SPTA1: variants seen among roughly 807,000 people sequenced by gnomAD.
SPTA1 encodes spectrin alpha chain, erythrocytic 1.
A neutral mutation model predicts 324.7 loss-of-function variants in SPTA1; 177 were observed. That is an observed-to-expected ratio of 0.55 (90% CI 0.48 to 0.62). The LOEUF (loss-of-function observed/expected upper bound fraction) is 0.62. Among genes scored for constraint, SPTA1 ranks in the 20% least tolerant of loss-of-function variants. SPTA1 has a pLI of 0.00. For missense variants in SPTA1, 3,162 were observed against 2,883.6 expected (o/e 1.10, Z -2.21); for synonymous variants, 1,195 against 1,041.3 (o/e 1.15, Z -2.84).
chr1:158,645,668 T>C (rs891175458), intron 27 of SPTA1, 74 bp from the exon 28 acceptor site: 2 of 1,490,042 alleles, frequency 1.3e-6, no homozygotes, highest in Non-Finnish European at 1.9e-6. Flanking sequence ...CCTACAGTTT[T>C]CCATTCTCTA....
At chr1:158,618,881 A>T (rs535236641) in intron 45 of SPTA1, among the ~76,000 whole-genome samples, 2 of 152,310 alleles carry the variant, frequency 1.3e-5, no homozygotes, top group African/African-American at 4.8e-5. Flanking sequence ...GAGGTAATGG[A>T]TATGGAAGTA....
Position 158,611,212 on chromosome 1 carries a change from A to G in SPTA1, c.*52T>C. 2 of 1,604,608 alleles carry G rather than the reference A, an allele frequency of 1.2e-6. No individual in the cohort carries two copies. The highest frequency in any genetic ancestry group is 1.7e-5 in the Admixed American group (1 of 59,654). ...CATTTGCCTGTACTCTTTGCCCCCC[A>G]GTAAATTTCCCACGACACTAAGATT... On this transcript the variant is annotated 3_prime_UTR_variant, in exon 52 of 52. Transcript: ENST00000643759.
At position 158,661,342 on chromosome 1, in the gene SPTA1, G is replaced by A. The variant is rs2101888809; in HGVS notation, c.2532C>T (p.Ser844=). 1 of 1,613,842 alleles carries A rather than the reference G, an allele frequency of 6.2e-7. No individual in the cohort carries two copies. The highest frequency in any genetic ancestry group is 2.2e-5 in the East Asian group (1 of 44,836). The change falls in exon 18 of 52, where the codon AGC becomes AGT. Residue 844 remains serine, a synonymous_variant. Coordinates refer to ENST00000643759, the MANE Select transcript of SPTA1 (RefSeq NM_003126.4). ...RHRVILENIA[S]HEPRIQEITE... ...TTATCTCTTGAATGCGTGGTTCATGGCTGGCAATGTTCTCCAGGATGACTC... is the reference window on the plus strand; with the variant it reads ...TTATCTCTTGAATGCGTGGTTCATGACTGGCAATGTTCTCCAGGATGACTC...
chr1:158,616,208 T>C (rs759245046), intron 47 of SPTA1, among the ~76,000 whole-genome samples: 4 of 152,200 alleles, frequency 2.6e-5, no homozygotes, highest in Non-Finnish European at 4.4e-5. Flanking sequence ...CAGTATATGT[T>C]GGATGTCTAT....
At position 158,642,411 on chromosome 1, in the gene SPTA1, C is replaced by A; in HGVS notation, c.4737G>T (p.Lys1579Asn). Reference protein sequence around the residue: ...SACDGNEEAMKEQLEQLKEHW... With the variant: ...SACDGNEEAMNEQLEQLKEHW... Reference sequence around the variant, plus strand: ...GCCCAAAACTCATCCTGAGCTTTACCTTCATGGCCTCTTCATTGCCATCAC... The same window carrying A: ...GCCCAAAACTCATCCTGAGCTTTACATTCATGGCCTCTTCATTGCCATCAC... Residue 1579 changes from lysine to asparagine, a missense_variant and splice_region_variant, in exon 33 of 52, where the codon AAG (lysine) becomes AAT (asparagine). Transcript: ENST00000643759. 1 of 1,613,148 alleles carries A rather than the reference C, an allele frequency of 6.2e-7. No homozygotes were observed. Among genetic ancestry groups the A allele is most frequent in the Non-Finnish European group, 8.5e-7 (1 of 1,179,442 alleles).
rs1557917963 is a variant in SPTA1, at chr1:158,613,733, A to G, written c.6977T>C (p.Val2326Ala). The change falls in exon 50 of 52, where the codon GTG becomes GCG. Residue 2326 changes from valine (V) to alanine (A), a missense_variant. Physicochemically the swap from Val to Ala is moderately conservative, Grantham distance 64. Transcript: ENST00000643759. ...EPKFEKFLDA[V>A]DPGRKGYVSL... ...GTCTTGTTCCTACCTCCCTGGATCCACAGCATCCAGGAACTTCTCAAACTT... is the reference window on the plus strand; with the variant it reads ...GTCTTGTTCCTACCTCCCTGGATCCGCAGCATCCAGGAACTTCTCAAACTT... 2 of 1,613,678 alleles carry G rather than the reference A, an allele frequency of 1.2e-6. No individual in the cohort carries two copies. Among genetic ancestry groups the G allele is most frequent in the African/African-American group, 1.3e-5 (1 of 74,972 alleles).
intron 23 of SPTA1, among the ~76,000 whole-genome samples, chr1:158,652,259 G>A (rs779360941): frequency 1.3e-5 from 2 of 152,192 alleles, no homozygotes; most frequent in Non-Finnish European, 2.9e-5. Flanking sequence ...GGCACTGAAG[G>A]CTGCAGTTAG....
In SPTA1 at chr1:158,685,490, T is replaced by C; in HGVS notation, c.25-143A>G. ...CTAGGGACTATTGTCAGAAGAGCTG[T>C]AGTATATTTACGTAATTTTTAACCA... On this transcript the variant is annotated intron_variant, in intron 1 of 51. Transcript: ENST00000643759. The C allele has an allele frequency of 7.6e-6, 9 of 1,186,724 alleles. No individual in the cohort carries two copies. The South Asian group carries it at 1.1e-4, about 15-fold the overall frequency. The allele number at this position is 1,186,724 out of a possible 1,614,324, so 73.5% of individuals were successfully genotyped here.
chr1:158,658,410 G>C (rs1481899184), intron 18 of SPTA1, among the ~76,000 whole-genome samples: 2 of 152,140 alleles, frequency 1.3e-5, no homozygotes, highest in African/African-American at 4.8e-5. Context: ...ACATGTATAA[G>C]GAAATCCTGG....
In SPTA1 at chr1:158,666,461, A is replaced by C. The variant is rs766122094; in HGVS notation, c.2075T>G (p.Phe692Cys). 1 of 1,612,064 alleles carries C rather than the reference A, an allele frequency of 6.2e-7. No homozygotes were observed. Among genetic ancestry groups the C allele is most frequent in the South Asian group, 1.1e-5 (1 of 91,056 alleles). Residue 692 changes from phenylalanine (F) to cysteine (C), a missense_variant, in exon 16 of 52, where the codon TTT becomes TGT. By Grantham distance (205) the Phe-to-Cys change is radical. Transcript: ENST00000643759. ...QLHEANQQLQ[F>C]ENNAEDLQRW... ...CTGCAAATCTTCTGCATTATTTTCA[A>C]ATTGCAGCTGCTGGTTGGCCTCATG...
chr1:158,612,748 A>G lies in SPTA1; in HGVS notation c.7134+69T>C. The G allele has an allele frequency of 2.5e-6, 4 of 1,582,228 alleles. No individual in the cohort carries two copies. The South Asian group carries it at 3.3e-5, about 13-fold the overall frequency. On this transcript the variant is annotated intron_variant, in intron 51 of 51. Coordinates refer to ENST00000643759, the MANE Select transcript of SPTA1 (RefSeq NM_003126.4). Reference sequence around the variant, plus strand: ...TGGGTGGGTTTTTTCAAAGTAGGCCACCGGGCCTGAGATGACCAGAATTCA... The same window carrying G: ...TGGGTGGGTTTTTTCAAAGTAGGCCGCCGGGCCTGAGATGACCAGAATTCA...
chr1:158,664,421 C>T (rs1473995722), intron 16 of SPTA1, among the ~76,000 whole-genome samples: 2 of 152,172 alleles, frequency 1.3e-5, no homozygotes, highest in Non-Finnish European at 2.9e-5. Context: ...AGCAGACTAA[C>T]ACAGGAATGA....
Position 158,617,701 on chromosome 1 carries a change from C to T in SPTA1, c.6549-113G>A, listed in dbSNP as rs1381929948. ...AACTTCTCCAAGGTTATGTGGCTTA[C>T]ATGAAGCAAAATTTCACAGAGCCAA... On this transcript the variant is annotated intron_variant, in intron 46 of 51. Transcript: ENST00000643759. The T allele has an allele frequency of 5.4e-6, 6 of 1,113,870 alleles. No individual in the cohort carries two copies. The Admixed American group carries it at 5.8e-5, about 11-fold the overall frequency. The allele number at this position is 1,113,870 out of a possible 1,614,324, so 69.0% of individuals were successfully genotyped here. A position where few individuals can be genotyped will look rare whatever the true frequency, so the allele number is the denominator to read the frequency against.
intron 12 of SPTA1, 150 bp from the exon 13 acceptor site, chr1:158,669,936 G>T: frequency 1.3e-6 from 1 of 745,206 alleles, no homozygotes; most frequent in Non-Finnish European, 2.3e-6. Flanking sequence ...TCAGGTTTCT[G>T]TTATAAATTG....
chr1:158,658,701 G>A (rs2101881733), intron 18 of SPTA1, among the ~76,000 whole-genome samples: 1 of 152,176 alleles, frequency 6.6e-6, no homozygotes, highest in African/African-American at 2.4e-5. Context: ...GCATAATCAA[G>A]TTGTTTAATA....
rs1262041440 is a variant in SPTA1, at chr1:158,661,279, A to T, written c.2587+8T>A. 4 of 1,613,750 alleles carry T rather than the reference A, an allele frequency of 2.5e-6. No homozygotes were observed. The Admixed American group carries it at 5.0e-5, about 20-fold the overall frequency. ...TGTTTTGTCCAACTGAATCTCAATC[A>T]TACATACCTTCCTCTACCATTTTGT... On this transcript the variant is annotated splice_region_variant and intron_variant, in intron 18 of 51. Transcript: ENST00000643759.
At chr1:158,670,884 G>T (rs1235444160) in intron 12 of SPTA1, among the ~76,000 whole-genome samples, 1 of 149,322 alleles carries the variant, frequency 6.7e-6, no homozygotes, top group African/African-American at 2.5e-5. Flanking sequence ...AGGAAGAAAT[G>T]AAAAAAAATA....
chr1:158,650,399 A>G (rs570288584), intron 24 of SPTA1, among the ~76,000 whole-genome samples: 1 of 152,204 alleles, frequency 6.6e-6, no homozygotes, highest in African/African-American at 2.4e-5. Flanking sequence ...TTATCCCATA[A>G]CAACCACTAT....
At position 158,678,551 on chromosome 1, in the gene SPTA1, A is replaced by G. The variant is rs576339372; in HGVS notation, c.679-17T>C. 1.2e-6 allele frequency: 2 copies of G among 1,612,756 alleles called. No individual in the cohort carries two copies. The highest frequency in any genetic ancestry group is 4.5e-5 in the East Asian group (2 of 44,828). On this transcript the variant is annotated splice_polypyrimidine_tract_variant and intron_variant, in intron 5 of 51. Transcript: ENST00000643759. ...ATGGTTTTCCTGTTGAAGGAAAACAACACTGGAGTTATACAGAGATGAGAT... is the reference window on the plus strand; with the variant it reads ...ATGGTTTTCCTGTTGAAGGAAAACAGCACTGGAGTTATACAGAGATGAGAT...
Sources: allele counts gnomAD v4.1 joint callset (sites outside exome capture counted in the v4.1 genomes callset), GRCh38; gene constraint gnomAD v4.1.1; transcripts MANE v1.5; gene names NCBI Gene and HGNC (gene_info 2026-07-23, HGNC 2026-07-21).